The following MAP3K5 variants were observed in gnomAD, a reference collection of about 807,000 sequenced individuals.
MAP3K5 encodes the protein mitogen-activated protein kinase kinase kinase 5.
A neutral mutation model predicts 158.7 loss-of-function variants in MAP3K5; 56 were observed. The ratio of observed to expected loss-of-function variants is 0.35; its 90% confidence interval spans 0.28 to 0.44. The LOEUF (loss-of-function observed/expected upper bound fraction) is 0.44, where lower values mean the gene tolerates loss of function less well. Ranked by LOEUF, MAP3K5 falls within the 20% of genes least tolerant of loss-of-function variation. MAP3K5 has a pLI of 1.00. For synonymous variants in MAP3K5, 579 were observed against 601.7 expected (o/e 0.96, Z 0.55); for missense variants, 1,294 against 1,674.8 (o/e 0.77, Z 3.97).
At chr6:136,666,450 C>A (rs76919301) in intron 8 of MAP3K5, among the ~76,000 whole-genome samples, 1 of 152,020 alleles carries the variant, frequency 6.6e-6, no homozygotes, top group Non-Finnish European at 1.5e-5. Flanking sequence ...CTCGGTAATT[C>A]GGAATAATTT....
chr6:136,709,896 C>T (rs1457099829), intron 2 of MAP3K5, among the ~76,000 whole-genome samples: 2 of 152,152 alleles, frequency 1.3e-5, no homozygotes, highest in Non-Finnish European at 2.9e-5. Flanking sequence ...CGCACCACTG[C>T]ACTCCAGCCT....
At chr6:136,727,588 C>T (rs1253449256) in intron 1 of MAP3K5, among the ~76,000 whole-genome samples, 1 of 152,198 alleles carries the variant, frequency 6.6e-6, no homozygotes. Flanking sequence ...TTGTATATTT[C>T]ATGAGTAAAT....
chr6:136,622,675 C>G (rs1776860396), intron 15 of MAP3K5, among the ~76,000 whole-genome samples, 173 bp downstream of exon 15: 1 of 152,210 alleles, frequency 6.6e-6, no homozygotes, highest in African/African-American at 2.4e-5. Flanking sequence ...TCTTCCCCAC[C>G]AGTCTGGCAC....
intron 1 of MAP3K5, among the ~76,000 whole-genome samples, chr6:136,779,683 A>G (rs1443698631): frequency 6.6e-6 from 1 of 152,232 alleles, no homozygotes; most frequent in African/African-American, 2.4e-5. Context: ...AGTCTAAACT[A>G]CTGAGGGTCC....
chr6:136,706,444 G>A (rs1372811054), intron 2 of MAP3K5, among the ~76,000 whole-genome samples: 3 of 152,298 alleles, frequency 2.0e-5, no homozygotes, highest in South Asian at 4.2e-4. Flanking sequence ...AGACACCGGA[G>A]AGACGATCTA....
At chr6:136,676,392 G>C (rs1398881916) in intron 7 of MAP3K5, among the ~76,000 whole-genome samples, 1 of 152,088 alleles carries the variant, frequency 6.6e-6, no homozygotes, top group Admixed American at 6.5e-5. Context: ...TATATTACTA[G>C]AAACTACATC....
chr6:136,568,973 A>C (rs975509200), intron 25 of MAP3K5, among the ~76,000 whole-genome samples: 1 of 151,940 alleles, frequency 6.6e-6, no homozygotes, highest in Non-Finnish European at 1.5e-5. Context: ...TCCCCAAAAA[A>C]ACCTGAAAAA....
intron 1 of MAP3K5, among the ~76,000 whole-genome samples, chr6:136,734,830 T>C (rs1343703919): frequency 6.6e-6 from 1 of 152,212 alleles, no homozygotes; most frequent in Non-Finnish European, 1.5e-5. Context: ...AACTGTAAGA[T>C]TCTTATGGGA....
At chr6:136,755,742 T>C in intron 1 of MAP3K5, among the ~76,000 whole-genome samples, 1 of 150,124 alleles carries the variant, frequency 6.7e-6, no homozygotes, top group East Asian at 1.9e-4. Flanking sequence ...TTAATGACAA[T>C]TTCCCTAGAC....
chr6:136,749,120 T>G (rs1311981804), intron 1 of MAP3K5, among the ~76,000 whole-genome samples: 1 of 152,156 alleles, frequency 6.6e-6, no homozygotes, highest in African/African-American at 2.4e-5. Flanking sequence ...TGTTGTCACC[T>G]GGAGAAGAAA....
At chr6:136,745,264 A>G (rs1407041709) in intron 1 of MAP3K5, among the ~76,000 whole-genome samples, 1 of 150,512 alleles carries the variant, frequency 6.6e-6, no homozygotes, top group Non-Finnish European at 1.5e-5. Context: ...CCTTTCCTAT[A>G]TCAGAGTATT....
intron 7 of MAP3K5, among the ~76,000 whole-genome samples, chr6:136,681,826 G>T (rs1779950186): frequency 6.6e-6 from 1 of 152,130 alleles, no homozygotes; most frequent in Non-Finnish European, 1.5e-5. Context: ...GGCTGAGGCA[G>T]GAGAATGGCG....
At chr6:136,559,878 T>C (rs1442497657) in intron 28 of MAP3K5, among the ~76,000 whole-genome samples, 1 of 152,102 alleles carries the variant, frequency 6.6e-6, no homozygotes, top group Non-Finnish European at 1.5e-5. Context: ...ATTTAGTAGA[T>C]TATCAATTAC....
intron 1 of MAP3K5, among the ~76,000 whole-genome samples, chr6:136,783,522 G>T (rs1784707529): frequency 6.6e-6 from 1 of 152,164 alleles, no homozygotes; most frequent in Non-Finnish European, 1.5e-5. Flanking sequence ...AAAGCTGTGG[G>T]TTCCCAGTTT....
At chr6:136,657,671 A>G (rs923293973) in intron 9 of MAP3K5, among the ~76,000 whole-genome samples, 1 of 152,244 alleles carries the variant, frequency 6.6e-6, no homozygotes, top group Admixed American at 6.5e-5. Context: ...GAGAAGCATA[A>G]CTAAAGAATG....
chr6:136,705,398 G>A (rs1428807063), intron 2 of MAP3K5, among the ~76,000 whole-genome samples: 4 of 152,110 alleles, frequency 2.6e-5, no homozygotes, highest in Non-Finnish European at 5.9e-5. Context: ...GGGCTCAAGT[G>A]ATCCTCCCAC....
At chr6:136,578,867 T>A (rs80073248) in intron 25 of MAP3K5, among the ~76,000 whole-genome samples, 3,168 of 152,118 alleles carry the variant, frequency 0.021, 57 homozygotes, top group East Asian at 0.072. Flanking sequence ...TTATAAATAA[T>A]TTTAATTTAA....
chr6:136,760,588 C>T (rs1458059200), intron 1 of MAP3K5, among the ~76,000 whole-genome samples: 1 of 152,156 alleles, frequency 6.6e-6, no homozygotes, highest in Non-Finnish European at 1.5e-5. Flanking sequence ...ATCCTCACCC[C>T]CCAAGGTGAT....
At chr6:136,647,514 C>T (rs1042622425) in intron 11 of MAP3K5, among the ~76,000 whole-genome samples, 9 of 152,172 alleles carry the variant, frequency 5.9e-5, no homozygotes, top group Admixed American at 5.2e-4. Context: ...TTTTCAGAAA[C>T]GTCAGTGACA....
Sources: allele counts gnomAD v4.1 joint callset (sites outside exome capture counted in the v4.1 genomes callset), GRCh38; gene constraint gnomAD v4.1.1; transcripts MANE v1.5; gene names NCBI Gene and HGNC (gene_info 2026-07-23, HGNC 2026-07-21).